GABRA3: variants seen among roughly 807,000 people sequenced by gnomAD.
GABRA3 encodes the protein gamma-aminobutyric acid type A receptor subunit alpha3, also known as gamma-aminobutyric acid receptor subunit alpha-3.
GABRA3 carries 10 observed loss-of-function variants against 30.1 expected under a neutral mutation model. The ratio of observed to expected loss-of-function variants is 0.33; its 90% CI spans 0.20 to 0.56. The LOEUF (loss-of-function observed/expected upper bound fraction) is 0.56, where lower values mean the gene tolerates loss of function less well. Among genes scored for constraint, GABRA3 ranks in the 20% least tolerant of loss-of-function variants. The pLI is 0.89. For synonymous variants in GABRA3, 151 were observed against 146.8 expected (o/e 1.03, Z -0.21); for missense variants, 233 against 392.0 (o/e 0.59, Z 3.42).
chrX:152,223,057 C>A (rs1454771539), intron 6 of GABRA3, among the ~76,000 whole-genome samples: 2 of 111,664 alleles, frequency 1.8e-5, no homozygotes, highest in African/African-American at 3.3e-5. Flanking sequence ...ATCATCAAAT[C>A]ATTGCTGTTT....
rs866197668 is a variant in GABRA3, at chrX:152,175,797, C to G, written c.1144-7234G>C. ...ATCATCAAGGAGGCTGGGCACGGTG[C>G]CTCACGCCTGTAATCCCAGCACTTT... is the stretch of plus-strand genomic sequence containing the variant. On this transcript the variant is annotated intron_variant, in intron 9 of 9. Transcript: ENST00000370314. Among the ~76,000 whole-genome samples the G allele has an allele frequency of 9.0e-5, 10 of 110,940 alleles. No individual in the cohort carries two copies. In the South Asian group the frequency reaches 1.9e-3, roughly 21 times the overall value.
chrX:152,355,006 G>A (rs1297757936), intron 2 of GABRA3, among the ~76,000 whole-genome samples: 1 of 111,649 alleles, frequency 9.0e-6, no homozygotes, highest in African/African-American at 3.3e-5. Context: ...TTTATTCTGA[G>A]ATTAAGAGAA....
rs1204488210 is a variant in GABRA3 at position 152,275,200 on chromosome X, T to TTA, written c.330+9466_330+9467dup. 3.6e-3 allele frequency among the ~76,000 whole-genome samples: 174 copies of TTA among 48,703 alleles called. 3 individuals carry two copies. Among genetic ancestry groups the TTA allele is most frequent in the Non-Finnish European group, 4.9e-3 (160 of 32,373 alleles). 42.3% of individuals were successfully genotyped at this position (48,703 alleles called of 115,157 possible). ...ATATATTTAATATTATATATATAATTTATATATATAATATTATATATATAT... is the reference window on the plus strand; with the variant it reads ...ATATATTTAATATTATATATATAATTTATATATATATAATATTATATATATAT... On this transcript the variant is annotated intron_variant, in intron 4 of 9. Transcript: ENST00000370314.
chrX:152,170,853 T>C (rs1184377805), intron 9 of GABRA3, among the ~76,000 whole-genome samples: 2 of 112,039 alleles, frequency 1.8e-5, no homozygotes, highest in African/African-American at 6.5e-5. Flanking sequence ...GTCTGACTAA[T>C]AGGATATTTT....
intron 1 of GABRA3, among the ~76,000 whole-genome samples, chrX:152,450,373 C>T (rs7065502): frequency 8.1e-4 from 86 of 106,166 alleles, no homozygotes; most frequent in African/African-American, 2.9e-3. Flanking sequence ...TAACATGATG[C>T]CTATGAGTGA....
intron 3 of GABRA3, among the ~76,000 whole-genome samples, chrX:152,308,361 C>T (rs1044350537): frequency 2.7e-5 from 3 of 112,541 alleles, no homozygotes; most frequent in African/African-American, 9.7e-5. Context: ...CCTGCAGCTG[C>T]TGCCCTGATT....
chrX:152,444,734 G>GTT, intron 1 of GABRA3, among the ~76,000 whole-genome samples: 1 of 40,402 alleles, frequency 2.5e-5, no homozygotes, highest in African/African-American at 7.4e-5. Context: ...ATACTTGTGT[G>GTT]TTTTTTTTTT....
Position 152,171,349 on chromosome X carries a change from A to G in GABRA3, c.1144-2786T>C, listed in dbSNP as rs767202129. 1.8e-5 allele frequency: 10 copies of G among 556,348 alleles called. No individual in the cohort carries two copies. In the East Asian group the frequency reaches 1.4e-3, roughly 78 times the overall value. 45.8% of individuals were successfully genotyped at this position (556,348 alleles called of 1,213,427 possible). ...GTTAATCACAGATTTTTTAAGTAGT[A>G]AGGGAAAATTACCTTTTAATTTCTT... On this transcript the variant is annotated intron_variant, in intron 9 of 9. Coordinates refer to ENST00000370314, the MANE Select transcript of GABRA3 (RefSeq NM_000808.4).
intron 2 of GABRA3, among the ~76,000 whole-genome samples, chrX:152,361,241 G>T (rs1440661200): frequency 9.1e-6 from 1 of 110,121 alleles, no homozygotes; most frequent in Non-Finnish European, 1.9e-5. Flanking sequence ...AGGCTATCTG[G>T]TTTTCTAAGC....
intron 5 of GABRA3, among the ~76,000 whole-genome samples, chrX:152,248,205 T>A (rs1388535585): frequency 9.5e-6 from 1 of 105,663 alleles, no homozygotes; most frequent in East Asian, 2.9e-4. Context: ...GATTTCAATT[T>A]AAAAAAAAAA....
intron 6 of GABRA3, among the ~76,000 whole-genome samples, chrX:152,215,259 C>T (rs1402506233): frequency 9.1e-6 from 1 of 109,547 alleles, no homozygotes; most frequent in African/African-American, 3.3e-5. Flanking sequence ...GAAAAGAGCT[C>T]TCAGCCTTTT....
At chrX:152,241,344 A>G (rs1279686228) in intron 5 of GABRA3, among the ~76,000 whole-genome samples, 1 of 93,631 alleles carries the variant, frequency 1.1e-5, no homozygotes, top group Non-Finnish European at 2.4e-5. Context: ...GACCCACTTG[A>G]GGAGGCAGTC....
intron 5 of GABRA3, among the ~76,000 whole-genome samples, chrX:152,226,666 G>T (rs1432699233): frequency 9.0e-6 from 1 of 111,279 alleles, no homozygotes; most frequent in Non-Finnish European, 1.9e-5. Flanking sequence ...AATCTACAAT[G>T]AACTCAAACA....
chrX:152,234,210 A>T (rs1052003002), intron 5 of GABRA3, among the ~76,000 whole-genome samples: 50 of 110,724 alleles, frequency 4.5e-4, no homozygotes, highest in Middle Eastern at 4.6e-3. Context: ...AAAAAAAATT[A>T]AAAAATAAAA....
chrX:152,172,188 CCAA>C (rs1441268789), intron 9 of GABRA3, among the ~76,000 whole-genome samples: 1 of 111,523 alleles, frequency 9.0e-6, no homozygotes, highest in Non-Finnish European at 1.9e-5. Context: ...TTACAAATGG[CCAA>C]CAATCACATG....
intron 2 of GABRA3, among the ~76,000 whole-genome samples, chrX:152,346,028 T>C (rs952609925): frequency 9.0e-6 from 1 of 111,387 alleles, no homozygotes; most frequent in Non-Finnish European, 1.9e-5. Context: ...ATACAGTTGG[T>C]TCATCAAATT....
At chrX:152,399,437 C>T (rs768398675) in intron 1 of GABRA3, among the ~76,000 whole-genome samples, 2 of 111,061 alleles carry the variant, frequency 1.8e-5, no homozygotes, top group South Asian at 3.8e-4. Flanking sequence ...TAAAAAGAAG[C>T]GGAAGAATTT....
At chrX:152,375,048 C>T (rs1928958567) in intron 1 of GABRA3, among the ~76,000 whole-genome samples, 1 of 111,224 alleles carries the variant, frequency 9.0e-6, no homozygotes, top group Admixed American at 9.6e-5. Context: ...GAATCAATAC[C>T]ATGAAAATGG....
intron 1 of GABRA3, among the ~76,000 whole-genome samples, chrX:152,368,571 G>A (rs1928722044): frequency 9.1e-6 from 1 of 110,091 alleles, no homozygotes; most frequent in African/African-American, 3.3e-5. Flanking sequence ...TTCATATCTT[G>A]GTTATTGTGA....
Sources: allele counts gnomAD v4.1 joint callset (sites outside exome capture counted in the v4.1 genomes callset), GRCh38; gene constraint gnomAD v4.1.1; transcripts MANE v1.5; gene names NCBI Gene and HGNC (gene_info 2026-07-23, HGNC 2026-07-21).